The following PITPNM2 variants were observed in gnomAD, a reference collection of about 807,000 sequenced individuals.
PITPNM2 encodes the protein membrane-associated phosphatidylinositol transfer protein 2.
In PITPNM2, 35 loss-of-function variants were observed where a neutral mutation model predicts 132.2. The ratio of observed to expected loss-of-function variants is 0.26; its 90% CI spans 0.20 to 0.35. The LOEUF (loss-of-function observed/expected upper bound fraction) is 0.35, where lower values mean the gene tolerates loss of function less well. Among genes scored for constraint, PITPNM2 ranks in the 10% least tolerant of loss-of-function variants. PITPNM2 has a pLI of 1.00. For synonymous variants in PITPNM2, 738 were observed against 799.2 expected (o/e 0.92, Z 1.29); for missense variants, 1,332 against 1,912.0 (o/e 0.70, Z 5.66).
intron 2 of PITPNM2, among the ~76,000 whole-genome samples, chr12:123,038,170 C>T (rs898016454): frequency 2.6e-5 from 4 of 152,218 alleles, no homozygotes; most frequent in African/African-American, 7.2e-5. Context: ...GAAAAGCAAC[C>T]GTGTTTCTGC....
intron 1 of PITPNM2, among the ~76,000 whole-genome samples, chr12:123,128,825 C>T (rs1464363453): frequency 6.6e-6 from 1 of 151,866 alleles, no homozygotes; most frequent in Non-Finnish European, 1.5e-5. Context: ...TTGCCTATCC[C>T]TCAGTCTCTA....
Position 123,005,309 on chromosome 12 carries a change from G to T in PITPNM2, c.883C>A (p.Leu295Ile), listed in dbSNP as rs2038880060. ...TGTTTCTTGAGGCCGCGCCCCACTA[G>T]GGGCTCCCCATTGCTGCTGCTGGGC... ...PEPSSSNGEP[L>I]VGRGLKKQWS... is the part of the protein sequence containing the mutation. Residue 295 changes from leucine (L) to isoleucine (I), a missense_variant, in exon 7 of 26, where the codon CTA becomes ATA. Coordinates refer to ENST00000320201, the MANE Select transcript of PITPNM2 (RefSeq NM_020845.3). This position sits in a 1 kb window ranked among gnomAD's most constrained non-coding sequence, Gnocchi z 6.2. The T allele has an allele frequency of 6.2e-7, 1 of 1,614,056 alleles. No individual in the cohort carries two copies. The highest frequency in any genetic ancestry group is 2.2e-5 in the East Asian group (1 of 44,874).
rs2038895232 is a variant in PITPNM2, at chr12:123,005,604, A to C, written c.644-56T>G. 1.3e-6 allele frequency: 2 copies of C among 1,549,690 alleles called. No homozygotes were observed. Among genetic ancestry groups the C allele is most frequent in the African/African-American group, 1.4e-5 (1 of 73,900 alleles). ...ACGAGGGGAGGGAGGTCAGCGCAGG[A>C]GCCTGCACGGAAGTGTGGGGCCCAG... On this transcript the variant is annotated intron_variant, in intron 6 of 25. Coordinates refer to ENST00000320201, the MANE Select transcript of PITPNM2 (RefSeq NM_020845.3). This position sits in a 1 kb window ranked among gnomAD's most constrained non-coding sequence, Gnocchi z 6.2.
chr12:122,987,247 C>A (rs1228477026), intron 23 of PITPNM2, 34 bp downstream of exon 23: 1 of 1,606,390 alleles, frequency 6.2e-7, no homozygotes, highest in Non-Finnish European at 8.5e-7. Flanking sequence ...ACCCACCTTG[C>A]TACAGCCCCT....
chr12:123,009,824 T>C lies in PITPNM2; in HGVS notation c.643+26A>G, dbSNP rs1371931547. The C allele has an allele frequency of 6.8e-6, 11 of 1,606,438 alleles. No individual in the cohort carries two copies. The highest frequency in any genetic ancestry group is 1.7e-5 in the Admixed American group (1 of 59,956). On this transcript the variant is annotated intron_variant, in intron 6 of 25. Coordinates refer to ENST00000320201, the MANE Select transcript of PITPNM2 (RefSeq NM_020845.3). The surrounding 1 kb of genome is among the most constrained non-coding windows in gnomAD (Gnocchi z 4.8). ...CAGAGGGGTTGGGTAGCCCAGCCAC[T>C]GCCCACCTGGCATGGGTGTGCTCAC...
intron 3 of PITPNM2, among the ~76,000 whole-genome samples, chr12:123,024,356 C>G (rs2039778722): frequency 6.6e-6 from 1 of 152,198 alleles, no homozygotes; most frequent in Non-Finnish European, 1.5e-5. Context: ...CTGTGGCAAA[C>G]AGTTTGGCGG....
rs771246572 is a variant in PITPNM2 at position 123,004,683 on chromosome 12, C to T, written c.953-194G>A. 4.2e-5 allele frequency: 26 copies of T among 620,662 alleles called. No homozygotes were observed. The highest frequency in any genetic ancestry group is 1.0e-4 in the Admixed American group (4 of 39,966). 38.4% of individuals were successfully genotyped at this position (620,662 alleles called of 1,614,324 possible). A position where few individuals can be genotyped will look rare whatever the true frequency, so the allele number is the denominator to read the frequency against. On this transcript the variant is annotated intron_variant, in intron 7 of 25. Coordinates refer to ENST00000320201, the MANE Select transcript of PITPNM2 (RefSeq NM_020845.3). This position sits in a 1 kb window ranked among gnomAD's most constrained non-coding sequence, Gnocchi z 4.9. ...GAGCGGCCTAGGCTCATCTCCTGTC[C>T]GCCTGGCACAAGGCAGTCATGTCCC...
intron 2 of PITPNM2, among the ~76,000 whole-genome samples, chr12:123,056,702 C>T (rs981823217): frequency 1.2e-4 from 18 of 152,320 alleles, no homozygotes; most frequent in Admixed American, 4.6e-4. Flanking sequence ...CTGTCCCTGT[C>T]CTCTCCCGGG....
chr12:123,124,990 G>A (rs554914030), intron 1 of PITPNM2, among the ~76,000 whole-genome samples: 176 of 152,096 alleles, frequency 1.2e-3, no homozygotes, highest in Non-Finnish European at 2.0e-3. Flanking sequence ...ACAGAGTCTC[G>A]CTCTGTAGTC....
intron 20 of PITPNM2, 72 bp downstream of exon 20, chr12:122,988,162 T>C (rs1315209193): frequency 1.5e-6 from 2 of 1,345,502 alleles, no homozygotes; most frequent in African/African-American, 2.9e-5. Flanking sequence ...TGCAACTCAG[T>C]TTCCTCATCT....
At chr12:123,142,006 G>T (rs938700855) in intron 1 of PITPNM2, among the ~76,000 whole-genome samples, 2 of 152,218 alleles carry the variant, frequency 1.3e-5, no homozygotes, top group Non-Finnish European at 2.9e-5. Flanking sequence ...TTTAGTGGGG[G>T]TGTGGTGGGG....
intron 1 of PITPNM2, among the ~76,000 whole-genome samples, chr12:123,139,566 C>T (rs762314768): frequency 6.6e-6 from 1 of 152,146 alleles, no homozygotes; most frequent in African/African-American, 2.4e-5. Context: ...TCCAAAGCCT[C>T]ACCTGGTGCC....
chr12:122,994,766 A>T lies in PITPNM2; in HGVS notation c.2233+35T>A. 6.3e-7 allele frequency: 1 copy of T among 1,584,148 alleles called. No homozygotes were observed. The highest frequency in any genetic ancestry group is 8.6e-7 in the Non-Finnish European group (1 of 1,166,498). On this transcript the variant is annotated intron_variant, in intron 15 of 25. Coordinates refer to ENST00000320201, the MANE Select transcript of PITPNM2 (RefSeq NM_020845.3). The surrounding 1 kb of genome is among the most constrained non-coding windows in gnomAD (Gnocchi z 5.4). ...AGACCCCCGCCCCCGCACCCAGTGC[A>T]TGTACCCCCCATCCTGCCCCTGCTG...
intron 2 of PITPNM2, chr12:123,081,008 A>C (rs1049874965): frequency 6.6e-6 from 1 of 152,234 alleles, no homozygotes; most frequent in African/African-American, 2.4e-5. Context: ...ATTTCACTTT[A>C]ATTTATAATT....
At chr12:123,143,262 G>T (rs900656644) in intron 1 of PITPNM2, among the ~76,000 whole-genome samples, 2 of 152,174 alleles carry the variant, frequency 1.3e-5, no homozygotes, top group South Asian at 4.1e-4. Flanking sequence ...CCCTCCCTAG[G>T]GGGCTGGGAA....
intron 2 of PITPNM2, among the ~76,000 whole-genome samples, chr12:123,041,209 T>C (rs779804643): frequency 1.2e-4 from 19 of 152,346 alleles, no homozygotes; most frequent in Middle Eastern, 6.8e-3. Context: ...AATGAGGTGA[T>C]GCACATGAAG....
At chr12:122,996,395 C>G in intron 13 of PITPNM2, 63 bp downstream of exon 13, 2 of 1,586,740 alleles carry the variant, frequency 1.3e-6, no homozygotes, top group East Asian at 4.5e-5. Context: ...GGCAGGGCAG[C>G]CACCCTGGGG....
At chr12:123,010,228 T>C in intron 5 of PITPNM2, 151 bp from the exon 6 acceptor site, 1 of 643,816 alleles carries the variant, frequency 1.6e-6, no homozygotes, top group South Asian at 2.0e-5. Flanking sequence ...TCTGGGCAGC[T>C]CTGACCTCAA....
chr12:123,116,173 C>A (rs2042933036), intron 1 of PITPNM2, among the ~76,000 whole-genome samples: 1 of 152,178 alleles, frequency 6.6e-6, no homozygotes, highest in South Asian at 2.1e-4. Flanking sequence ...GTTTGTATCT[C>A]TAAGCTTAGG....
Sources: allele counts gnomAD v4.1 joint callset (sites outside exome capture counted in the v4.1 genomes callset), GRCh38; gene constraint gnomAD v4.1.1; non-coding constraint Gnocchi (gnomAD v3.1); transcripts MANE v1.5; gene names NCBI Gene and HGNC (gene_info 2026-07-23, HGNC 2026-07-21).